The following AMDHD2 variants were observed in gnomAD, a reference collection of about 807,000 sequenced individuals.
The protein encoded by AMDHD2 is N-acetylglucosamine-6-phosphate deacetylase.
In AMDHD2, 24 loss-of-function variants were observed where a neutral mutation model predicts 41.8. The ratio of observed to expected loss-of-function variants is 0.57; its 90% confidence interval spans 0.42 to 0.81. The LOEUF is 0.81. Ranked by LOEUF, AMDHD2 falls within the 30% of genes least tolerant of loss-of-function variation. AMDHD2 has a pLI of 0.00. For synonymous variants in AMDHD2, 332 were observed against 255.5 expected (o/e 1.30, Z -2.85); for missense variants, 540 against 588.5 (o/e 0.92, Z 0.85).
chr16:2,525,193 A>G (rs939938981), intron 3 of AMDHD2, among the ~76,000 whole-genome samples: 1 of 151,386 alleles, frequency 6.6e-6, no homozygotes, highest in Admixed American at 6.6e-5. Flanking sequence ...AGTAGCTGGG[A>G]TTACAAGCAC....
intron 10 of AMDHD2, 78 bp from the exon 11 acceptor site, chr16:2,529,397 C>T (rs566373787): frequency 1.2e-4 from 194 of 1,585,116 alleles, no homozygotes; most frequent in Non-Finnish European, 1.6e-4. Context: ...CCACCAGCGT[C>T]GGGTTGTTGG....
At position 2,527,751 on chromosome 16, in the gene AMDHD2, G is replaced by A; in HGVS notation, c.416-22G>A. The stretch of plus-strand genomic sequence containing the variant: ...CTGGGTGGGGCAGGGACCTGCTGGA[G>A]CCACTTGCTCCCTCCTCCCAGGGCT... On this transcript the variant is annotated intron_variant, in intron 4 of 10. Coordinates refer to ENST00000293971, the MANE Select transcript of AMDHD2 (RefSeq NM_001330449.2). The surrounding 1 kb of genome is among the most constrained non-coding windows in gnomAD (Gnocchi z 6.1). The A allele has an allele frequency of 1.3e-6, 2 of 1,558,742 alleles. No homozygotes were observed. The highest frequency in any genetic ancestry group is 1.2e-5 in the South Asian group (1 of 84,838).
chr16:2,522,408 C>T (rs894422110), intron 3 of AMDHD2, among the ~76,000 whole-genome samples: 3 of 152,038 alleles, frequency 2.0e-5, no homozygotes, highest in Non-Finnish European at 2.9e-5. Context: ...TTCGGCCGGG[C>T]GCGGTGGCTC....
Position 2,531,037 on chromosome 16 carries a change from GC to G in AMDHD2, c.*1477del, listed in dbSNP as rs2066088374. On this transcript the variant is annotated 3_prime_UTR_variant, in exon 11 of 11. Transcript: ENST00000293971. Reference sequence around the variant, plus strand: ...GTGTTAGAGGTTGAGCATCGCCTGTGCCCAGCTTGCTGGCTGTCAGTGCTTG... The same window carrying G: ...GTGTTAGAGGTTGAGCATCGCCTGTGCCAGCTTGCTGGCTGTCAGTGCTTG... 1.3e-6 allele frequency: 2 copies of G among 1,598,614 alleles called. No individual in the cohort carries two copies. The highest frequency in any genetic ancestry group is 2.2e-5 in the South Asian group (2 of 90,588).
chr16:2,525,848 T>G (rs938225176), intron 3 of AMDHD2, among the ~76,000 whole-genome samples: 6 of 151,988 alleles, frequency 3.9e-5, no homozygotes, highest in African/African-American at 1.2e-4. Context: ...CTGGCCAATT[T>G]TTGTATTTTT....
At position 2,520,773 on chromosome 16, in the gene AMDHD2, G is replaced by A. The variant is rs2065923860; in HGVS notation, c.88G>A (p.Asp30Asn). The change falls in exon 2 of 11, where the codon GAT becomes AAT. Residue 30 changes from aspartate to asparagine, a missense_variant. Transcript: ENST00000293971. ...GCCCACCCACTGCGTCCCCAGGGAG[G>A]ATCTGTGGGTGCGCGGAGGCCGCAT... Reference protein sequence around the residue: ...ILRGGKLLREDLWVRGGRILD... With the variant: ...ILRGGKLLRENLWVRGGRILD... 2 of 1,595,322 alleles carry A rather than the reference G, an allele frequency of 1.3e-6. No individual in the cohort carries two copies. Among genetic ancestry groups the A allele is most frequent in the African/African-American group, 1.3e-5 (1 of 74,626 alleles).
chr16:2,529,723 C>A lies in AMDHD2; in HGVS notation c.*160C>A. On this transcript the variant is annotated 3_prime_UTR_variant, in exon 11 of 11. Coordinates refer to ENST00000293971, the MANE Select transcript of AMDHD2 (RefSeq NM_001330449.2). The stretch of plus-strand genomic sequence containing the variant: ...GGCGGTGGCTGGGATAAACGTGCAC[C>A]CAGCAGGACTCGCCTTGGCTCCGGG... 6.9e-7 allele frequency: 1 copy of A among 1,456,688 alleles called. No individual in the cohort carries two copies. The highest frequency in any genetic ancestry group is 1.4e-5 in the South Asian group (1 of 72,398). 90.2% of individuals were successfully genotyped at this position (1,456,688 alleles called of 1,614,324 possible).
chr16:2,528,837 G>A, intron 9 of AMDHD2, 119 bp downstream of exon 9: 1 of 1,550,424 alleles, frequency 6.4e-7, no homozygotes, highest in African/African-American at 1.4e-5. Flanking sequence ...TGGGCATTGG[G>A]TACTTGGTGA....
chr16:2,521,781 G>GTTTTTTTTTTTTTTTTTTTTTTTGT, intron 3 of AMDHD2, among the ~76,000 whole-genome samples: 1 of 111,576 alleles, frequency 9.0e-6, no homozygotes, highest in South Asian at 2.8e-4. Context: ...TTTTTGTTTA[G>GTTTTTTTTTTTTTTTTTTTTTTTGT]TTTTTTTTTT....
rs376912559 is a variant in AMDHD2 at position 2,520,914 on chromosome 16, C to T, written c.220+9C>T. ...CGACGTGCAGATCAACGGTGCGGCCCGGGGCCGGCAGGGGAACCCAGGGGA... is the reference window on the plus strand; with the variant it reads ...CGACGTGCAGATCAACGGTGCGGCCTGGGGCCGGCAGGGGAACCCAGGGGA... On this transcript the variant is annotated intron_variant, in intron 2 of 10. Transcript: ENST00000293971. 3.1e-6 allele frequency: 5 copies of T among 1,599,792 alleles called. No homozygotes were observed. In the African/African-American group the frequency reaches 4.0e-5, roughly 13 times the overall value.
chr16:2,521,011 C>G lies in AMDHD2; in HGVS notation c.248C>G (p.Ala83Gly). 2 of 1,609,432 alleles carry G rather than the reference C, an allele frequency of 1.2e-6. No homozygotes were observed. The highest frequency in any genetic ancestry group is 1.7e-6 in the Non-Finnish European group (2 of 1,177,304). ...GGATTTGGTGTTGACTTCTCTCAAG[C>G]CACGGAGGACGTGGGTTCGGGGGTT... ...NGGFGVDFSQ[A>G]TEDVGSGVAL... The change falls in exon 3 of 11, where the codon GCC (alanine) becomes GGC (glycine). Residue 83 changes from alanine (A) to glycine (G), a missense_variant. Physicochemically the swap from Ala to Gly is moderately conservative, Grantham distance 60. Transcript: ENST00000293971.
At position 2,530,736 on chromosome 16, in the gene AMDHD2, C is replaced by G. The variant is rs202046694; in HGVS notation, c.*1173C>G. 2 of 1,613,802 alleles carry G rather than the reference C, an allele frequency of 1.2e-6. No homozygotes were observed. The highest frequency in any genetic ancestry group is 1.7e-6 in the Non-Finnish European group (2 of 1,179,992). The stretch of plus-strand genomic sequence containing the variant: ...AAGGGAACAGCCAGGGAAGAACCAC[C>G]TGCCTGGGCAGGGCCTCGCCTGAGG... On this transcript the variant is annotated 3_prime_UTR_variant, in exon 11 of 11. Coordinates refer to ENST00000293971, the MANE Select transcript of AMDHD2 (RefSeq NM_001330449.2).
In AMDHD2 at chr16:2,528,294, G is replaced by T. The variant is rs1746650116; in HGVS notation, c.776G>T (p.Gly259Val). 1.2e-6 allele frequency: 2 copies of T among 1,612,432 alleles called. No homozygotes were observed. The highest frequency in any genetic ancestry group is 1.3e-5 in the African/African-American group (1 of 74,914). ...CTGACCAGCGACCGGCTGCCCGCAG[G>T]CCGCTGCATCTTCTATGGGATGATT... ...GLLTSDRLPA[G>V]RCIFYGMIAD... Residue 259 changes from glycine to valine, a missense_variant, in exon 7 of 11, where the codon GGC (glycine) becomes GTC (valine). By Grantham distance (109) the Gly-to-Val change is moderately radical. Coordinates refer to ENST00000293971, the MANE Select transcript of AMDHD2 (RefSeq NM_001330449.2).
At chr16:2,525,244 G>C (rs1334615112) in intron 3 of AMDHD2, among the ~76,000 whole-genome samples, 1 of 151,802 alleles carries the variant, frequency 6.6e-6, no homozygotes, top group South Asian at 2.1e-4. Flanking sequence ...TTTTAGTAGA[G>C]ATGGGCTTGC....
chr16:2,529,790 C>T lies in AMDHD2; in HGVS notation c.*227C>T, dbSNP rs1273633531. 7.0e-7 allele frequency: 1 copy of T among 1,430,676 alleles called. No individual in the cohort carries two copies. Among genetic ancestry groups the T allele is most frequent in the Non-Finnish European group, 9.1e-7 (1 of 1,096,386 alleles). The allele number at this position is 1,430,676 out of a possible 1,614,324, so 88.6% of individuals were successfully genotyped here. On this transcript the variant is annotated 3_prime_UTR_variant, in exon 11 of 11. Coordinates refer to ENST00000293971, the MANE Select transcript of AMDHD2 (RefSeq NM_001330449.2). ...ATGTGGCACCATCCTTGGTTGCCCT[C>T]CTGGAGAAGGCATTCACGGCCTGGG... is the stretch of plus-strand genomic sequence containing the variant.
In AMDHD2 at chr16:2,527,629, C is replaced by G; in HGVS notation, c.415+14C>G. ...CAGGGGTCCTCGGTGAGTGGCTGAC[C>G]TCCTCCCCGCCCCCACCCTGGGAGG... On this transcript the variant is annotated intron_variant, in intron 4 of 10. Transcript: ENST00000293971. This position sits in a 1 kb window ranked among gnomAD's most constrained non-coding sequence, Gnocchi z 6.1. 1 of 1,608,074 alleles carries G rather than the reference C, an allele frequency of 6.2e-7. No individual in the cohort carries two copies. Among genetic ancestry groups the G allele is most frequent in the South Asian group, 1.1e-5 (1 of 89,948 alleles).
chr16:2,529,334 C>T (rs61576678), intron 10 of AMDHD2, 141 bp from the exon 11 acceptor site: 5 of 1,358,364 alleles, frequency 3.7e-6, no homozygotes, highest in African/African-American at 2.9e-5. Flanking sequence ...CTCTGTCCAT[C>T]TGTGATGGGT....
chr16:2,520,915 G>A lies in AMDHD2; in HGVS notation c.220+10G>A, dbSNP rs776853359. ...GACGTGCAGATCAACGGTGCGGCCC[G>A]GGGCCGGCAGGGGAACCCAGGGGAG... On this transcript the variant is annotated intron_variant, in intron 2 of 10. Transcript: ENST00000293971. 6.3e-7 allele frequency: 1 copy of A among 1,598,046 alleles called. No individual in the cohort carries two copies. Among genetic ancestry groups the A allele is most frequent in the South Asian group, 1.1e-5 (1 of 89,560 alleles).
rs1202966008 is a variant in AMDHD2, at chr16:2,529,381, G to A, written c.1142-94G>A. 4.5e-6 allele frequency: 7 copies of A among 1,572,534 alleles called. No homozygotes were observed. In the African/African-American group the frequency reaches 6.7e-5, roughly 15 times the overall value. On this transcript the variant is annotated intron_variant, in intron 10 of 10. Coordinates refer to ENST00000293971, the MANE Select transcript of AMDHD2 (RefSeq NM_001330449.2). ...GCACTAGTCGTGTCCCTGGGCCTCA[G>A]TTTCCCCACCAGCGTCGGGTTGTTG...
Sources: allele counts gnomAD v4.1 joint callset (sites outside exome capture counted in the v4.1 genomes callset), GRCh38; gene constraint gnomAD v4.1.1; non-coding constraint Gnocchi (gnomAD v3.1); transcripts MANE v1.5; gene names NCBI Gene and HGNC (gene_info 2026-07-23, HGNC 2026-07-21).